GIPC2: variants seen among roughly 807,000 people sequenced by gnomAD.
GIPC2 encodes PDZ domain-containing protein GIPC2.
In GIPC2, 30 loss-of-function variants were observed where a neutral mutation model predicts 30.6. The observed-to-expected ratio is 0.98, with a 90% confidence interval of 0.73 to 1.33. The LOEUF is 1.33. Ranked by LOEUF, GIPC2 falls within the 40% of genes most tolerant of loss-of-function variation. The pLI is 0.00. For synonymous variants in GIPC2, 167 were observed against 150.0 expected, an observed-to-expected ratio of 1.11 and a Z score of -0.83; for missense variants, 414 against 390.3, an observed-to-expected ratio of 1.06 and a Z score of -0.51.
Position 78,109,257 on chromosome 1 carries a change from T to G in GIPC2, c.608-10136T>G, listed in dbSNP as rs186282348. Among the ~76,000 whole-genome samples, 34 of 152,310 alleles carry G rather than the reference T, an allele frequency of 2.2e-4. 1 individual carries two copies. In the East Asian group the frequency reaches 6.0e-3, roughly 27 times the overall value. ...AGTCACATGCTTGCCTCTGAAACAATCACTGTGATGAAGGGGATCAGTTTG... is the reference window on the plus strand; with the variant it reads ...AGTCACATGCTTGCCTCTGAAACAAGCACTGTGATGAAGGGGATCAGTTTG... On this transcript the variant is annotated intron_variant, in intron 3 of 5. Coordinates refer to ENST00000370759, the MANE Select transcript of GIPC2 (RefSeq NM_017655.6).
chr1:78,046,239 GCGC>G lies in GIPC2; in HGVS notation c.146_148del (p.Ala49_His50delinsAsp), dbSNP rs775291811. 37 of 1,608,316 alleles carry G rather than the reference GCGC, an allele frequency of 2.3e-5. No homozygotes were observed. The South Asian group carries it at 3.4e-4, about 15-fold the overall frequency. ...CAGGCTGGTCTTCCACGCGCAGCTG[GCGC>G]ACGGTAGTGCCACGGGCCGAGTGGA... On this transcript the variant is annotated inframe_deletion, in exon 1 of 6. Coordinates refer to ENST00000370759, the MANE Select transcript of GIPC2 (RefSeq NM_017655.6).
intron 1 of GIPC2, among the ~76,000 whole-genome samples, chr1:78,072,046 TC>T (rs1482362078): frequency 1.3e-5 from 2 of 152,184 alleles, no homozygotes; most frequent in African/African-American, 4.8e-5. Flanking sequence ...GGGTTGGAGT[TC>T]CAACTGCACC....
chr1:78,063,053 T>A (rs1661423785), intron 1 of GIPC2, among the ~76,000 whole-genome samples: 1 of 152,204 alleles, frequency 6.6e-6, no homozygotes, highest in African/African-American at 2.4e-5. Flanking sequence ...AAAGGCTTCC[T>A]CTAATAACAA....
At chr1:78,106,851 T>C (rs945072951) in intron 3 of GIPC2, among the ~76,000 whole-genome samples, 3 of 151,790 alleles carry the variant, frequency 2.0e-5, no homozygotes, top group Non-Finnish European at 4.4e-5. Context: ...TAATTTTGTA[T>C]TTTTAGTAGA....
chr1:78,047,057 C>T (rs374232179), intron 1 of GIPC2, among the ~76,000 whole-genome samples: 1 of 152,164 alleles, frequency 6.6e-6, no homozygotes. Context: ...ACATCGTATC[C>T]TTAAAAAGGG....
intron 1 of GIPC2, among the ~76,000 whole-genome samples, chr1:78,061,191 C>G (rs190124754): frequency 2.6e-5 from 4 of 152,290 alleles, no homozygotes; most frequent in African/African-American, 9.6e-5. Flanking sequence ...GTGTAAACCC[C>G]CATCACCTGA....
chr1:78,065,897 A>C (rs1174039221), intron 1 of GIPC2, among the ~76,000 whole-genome samples: 1 of 152,230 alleles, frequency 6.6e-6, no homozygotes, highest in Non-Finnish European at 1.5e-5. Context: ...AATTAAATCA[A>C]GATGGATTAA....
At chr1:78,121,825 T>A (rs778376410) in intron 4 of GIPC2, among the ~76,000 whole-genome samples, 1 of 152,126 alleles carries the variant, frequency 6.6e-6, no homozygotes, top group Non-Finnish European at 1.5e-5. Context: ...ATTGAATGAA[T>A]AAGCAAATCT....
intron 1 of GIPC2, among the ~76,000 whole-genome samples, chr1:78,077,389 T>C (rs956868124): frequency 1.3e-5 from 2 of 152,192 alleles, no homozygotes; most frequent in South Asian, 4.1e-4. Context: ...TAGCTTACAT[T>C]GTATTTCTAT....
chr1:78,101,873 C>T (rs1273452410), intron 3 of GIPC2, among the ~76,000 whole-genome samples: 1 of 152,104 alleles, frequency 6.6e-6, no homozygotes, highest in East Asian at 1.9e-4. Context: ...CATGAAAATC[C>T]CTCTTCCATT....
At chr1:78,115,742 T>G (rs1459486297) in intron 3 of GIPC2, among the ~76,000 whole-genome samples, 2 of 152,354 alleles carry the variant, frequency 1.3e-5, no homozygotes, top group East Asian at 3.9e-4. Context: ...GTTTCCCAAA[T>G]CATCAGCCAC....
chr1:78,106,560 AAAAAC>A lies in GIPC2; in HGVS notation c.607+11453_607+11457del, dbSNP rs372627588. Among the ~76,000 whole-genome samples the A allele has an allele frequency of 2.5e-3, 378 of 152,332 alleles. 4 individuals carry two copies. The highest frequency in any genetic ancestry group is 7.5e-3 in the African/African-American group (311 of 41,562). Reference sequence around the variant, plus strand: ...GGGCAACAGAGCAAGACTCCATCTCAAAAACAAAACAAAACAAAACAAAACAAAAA... The same window carrying A: ...GGGCAACAGAGCAAGACTCCATCTCAAAAACAAAACAAAACAAAACAAAAA... On this transcript the variant is annotated intron_variant, in intron 3 of 5. Transcript: ENST00000370759.
At chr1:78,120,214 A>G (rs1662653493) in intron 4 of GIPC2, among the ~76,000 whole-genome samples, 1 of 152,248 alleles carries the variant, frequency 6.6e-6, no homozygotes. Flanking sequence ...AACATGACCG[A>G]ACTCCGTATT....
At chr1:78,126,901 G>C (rs1347415519) in intron 5 of GIPC2, among the ~76,000 whole-genome samples, 2 of 152,178 alleles carry the variant, frequency 1.3e-5, no homozygotes, top group Non-Finnish European at 2.9e-5. Context: ...GAGGATGGTA[G>C]GTCTGGGTTG....
intron 1 of GIPC2, among the ~76,000 whole-genome samples, chr1:78,075,689 A>G (rs1213355029): frequency 3.3e-5 from 5 of 152,150 alleles, no homozygotes; most frequent in African/African-American, 1.2e-4. Flanking sequence ...GTGAAAAAAT[A>G]TTTTCCAGAG....
intron 2 of GIPC2, chr1:78,088,854 T>A (rs1249423095): frequency 6.6e-6 from 1 of 151,194 alleles, no homozygotes; most frequent in Non-Finnish European, 1.5e-5. Context: ...AAAGTCAAAC[T>A]ATAAAAAATA....
At chr1:78,127,814 C>T (rs1662808881) in intron 5 of GIPC2, among the ~76,000 whole-genome samples, 1 of 152,114 alleles carries the variant, frequency 6.6e-6, no homozygotes, top group Admixed American at 6.5e-5. Context: ...CTCAGCCTCC[C>T]ACGTAGCTAG....
At chr1:78,086,873 T>G (rs1661937663) in intron 2 of GIPC2, among the ~76,000 whole-genome samples, 1 of 152,120 alleles carries the variant, frequency 6.6e-6, no homozygotes, top group Non-Finnish European at 1.5e-5. Context: ...TACCGTTGGG[T>G]CTTGGTTCTT....
At chr1:78,046,370 C>A (rs200026593) in intron 1 of GIPC2, 36 bp downstream of exon 1, 2 of 1,414,660 alleles carry the variant, frequency 1.4e-6, no homozygotes, top group African/African-American at 1.5e-5. Flanking sequence ...CCCGCCTCTC[C>A]GCCGCGCCGC....
Sources: gnomAD v4.1 joint callset for allele counts (sites outside exome capture counted in the v4.1 genomes callset) on GRCh38, gnomAD v4.1.1 for gene constraint, MANE v1.5 for transcripts, NCBI Gene and HGNC (gene_info 2026-07-23, HGNC 2026-07-21) for gene names.